THAP4: variants seen among roughly 807,000 people sequenced by gnomAD.
THAP4 encodes peroxynitrite isomerase THAP4.
Under a neutral mutation model 48.1 loss-of-function variants are expected in THAP4, and 18 were observed. The observed-to-expected ratio is 0.37, with a 90% CI of 0.26 to 0.56. The LOEUF is 0.56. Among genes scored for constraint, THAP4 ranks in the 20% least tolerant of loss-of-function variants. THAP4 has a pLI of 0.78. For synonymous variants in THAP4, 345 were observed against 324.9 expected, an observed-to-expected ratio of 1.06 and a Z score of -0.66; for missense variants, 656 against 774.9, an observed-to-expected ratio of 0.85 and a Z score of 1.82.
At chr2:241,587,418 T>TGG (rs1325565611) in intron 5 of THAP4, among the ~76,000 whole-genome samples, 1 of 151,922 alleles carries the variant, frequency 6.6e-6, no homozygotes, top group African/African-American at 2.4e-5. Flanking sequence ...GGACCAAGAG[T>TGG]GACACCACTG....
chr2:241,633,277 G>T lies in THAP4; in HGVS notation c.880C>A (p.Gln294Lys). ...PPSSSLTATP[Q>K]KPSQSPSAPP... ...GCAGAGGGGCTCTGGGAAGGCTTCTGCGGTGTCGCGGTAAGTGATGAGCTG... is the reference window on the plus strand; with the variant it reads ...GCAGAGGGGCTCTGGGAAGGCTTCTTCGGTGTCGCGGTAAGTGATGAGCTG... The change falls in exon 2 of 6, where the codon CAG (glutamine) becomes AAG (lysine). Residue 294 changes from glutamine (Q) to lysine (K), a missense_variant. By Grantham distance (53) the Gln-to-Lys change is moderately conservative. This residue lies in a region of THAP4 where 391 missense variants were observed against 412.4 expected (regional missense o/e 0.95). Coordinates refer to ENST00000407315, the MANE Select transcript of THAP4 (RefSeq NM_015963.6). This position sits in a 1 kb window ranked among gnomAD's most constrained non-coding sequence, Gnocchi z 7.5. 1 of 1,611,740 alleles carries T rather than the reference G, an allele frequency of 6.2e-7. No homozygotes were observed.
rs371073361 is a variant in THAP4 at position 241,637,025 on chromosome 2, C to G, written c.-8G>C. Reference sequence around the variant, plus strand: ...CGCACAGCAGATCACCATCGCGGGCCTTGGCCCAGCCGCGCAGCCAGGCCC... The same window carrying G: ...CGCACAGCAGATCACCATCGCGGGCGTTGGCCCAGCCGCGCAGCCAGGCCC... On this transcript the variant is annotated 5_prime_UTR_variant, in exon 1 of 6. Coordinates refer to ENST00000407315, the MANE Select transcript of THAP4 (RefSeq NM_015963.6). 118 of 1,261,738 alleles carry G rather than the reference C, an allele frequency of 9.4e-5. No homozygotes were observed. The East Asian group carries it at 1.8e-3, about 19-fold the overall frequency. The allele number at this position is 1,261,738 out of a possible 1,614,324, so 78.2% of individuals were successfully genotyped here.
chr2:241,608,736 T>A (rs928019506), intron 2 of THAP4, among the ~76,000 whole-genome samples: 1 of 151,970 alleles, frequency 6.6e-6, no homozygotes, highest in Non-Finnish European at 1.5e-5. Context: ...ACACAAGAAA[T>A]GAGTGAATGA....
At chr2:241,609,317 A>G (rs2067231944) in intron 2 of THAP4, among the ~76,000 whole-genome samples, 1 of 152,240 alleles carries the variant, frequency 6.6e-6, no homozygotes, top group South Asian at 2.1e-4. Flanking sequence ...CCATTAATGG[A>G]GAAAAGGAAG....
chr2:241,617,505 A>T, intron 2 of THAP4: 1 of 1,540,838 alleles, frequency 6.5e-7, no homozygotes. Flanking sequence ...CTGGCTCTTA[A>T]TGGCTCTGCA....
At chr2:241,627,968 T>C (rs1476462806) in intron 2 of THAP4, among the ~76,000 whole-genome samples, 2 of 152,060 alleles carry the variant, frequency 1.3e-5, no homozygotes, top group African/African-American at 4.8e-5. Context: ...CTCTGGCTCC[T>C]GTCTACTTGC....
intron 2 of THAP4, among the ~76,000 whole-genome samples, chr2:241,628,925 CAAAA>C (rs34034619): frequency 0.013 from 818 of 64,334 alleles, 2 homozygotes; most frequent in African/African-American, 0.048. Flanking sequence ...GAGATTGTCT[CAAAA>C]AAAAAAAAAA....
intron 3 of THAP4, among the ~76,000 whole-genome samples, chr2:241,605,955 C>G (rs2067178187): frequency 6.6e-6 from 1 of 152,212 alleles, no homozygotes; most frequent in Non-Finnish European, 1.5e-5. Flanking sequence ...CTCAAGCAAT[C>G]CTCCTGACTC....
intron 2 of THAP4, among the ~76,000 whole-genome samples, chr2:241,620,561 G>A (rs1177820853): frequency 1.4e-5 from 2 of 145,204 alleles, no homozygotes; most frequent in Non-Finnish European, 3.0e-5. Flanking sequence ...TGAGTCAGGA[G>A]TGAGTGAGTC....
At chr2:241,614,818 G>T (rs1245058745) in intron 2 of THAP4, among the ~76,000 whole-genome samples, 1 of 152,160 alleles carries the variant, frequency 6.6e-6, no homozygotes, top group Non-Finnish European at 1.5e-5. Flanking sequence ...GAAACTGGGA[G>T]GCAGAGGTTG....
At chr2:241,605,211 A>G (rs2067164496) in intron 3 of THAP4, among the ~76,000 whole-genome samples, 1 of 152,100 alleles carries the variant, frequency 6.6e-6, no homozygotes, top group Non-Finnish European at 1.5e-5. Flanking sequence ...AAGGTAGGAG[A>G]TATTTTTAAA....
chr2:241,634,754 C>T (rs1210679724), intron 1 of THAP4, among the ~76,000 whole-genome samples: 1 of 152,174 alleles, frequency 6.6e-6, no homozygotes, highest in Non-Finnish European at 1.5e-5. Flanking sequence ...CCCAGAAATT[C>T]GAAGTTACAG....
chr2:241,586,557 G>GA (rs930574531), intron 5 of THAP4, among the ~76,000 whole-genome samples: 14 of 151,988 alleles, frequency 9.2e-5, no homozygotes, highest in Non-Finnish European at 1.5e-4. Context: ...AAGATCAAAA[G>GA]AAAAAACAGG....
Position 241,584,503 on chromosome 2 carries a change from GCTCACGGCCACACCC to G in THAP4, c.*88_*102del. 2 of 1,300,420 alleles carry G rather than the reference GCTCACGGCCACACCC, an allele frequency of 1.5e-6. No homozygotes were observed. The highest frequency in any genetic ancestry group is 2.2e-6 in the Non-Finnish European group (2 of 912,682). The allele number at this position is 1,300,420 out of a possible 1,614,324, so 80.6% of individuals were successfully genotyped here. On this transcript the variant is annotated 3_prime_UTR_variant, in exon 6 of 6. Transcript: ENST00000407315. ...GGACAACACTCTTGAGCCTGCAGAG[GCTCACGGCCACACCC>G]ACTTCTGCCGCAGGGACTGTCTGTT...
chr2:241,633,881 C>T lies in THAP4; in HGVS notation c.276G>A (p.Arg92=), dbSNP rs759486716. Residue 92 remains arginine, a synonymous_variant, in exon 2 of 6, where the codon AGG becomes AGA. Transcript: ENST00000407315. This position sits in a 1 kb window ranked among gnomAD's most constrained non-coding sequence, Gnocchi z 7.5. ...GGGTGCGGCCATGGCCTCCAGCCCC[C>T]CTCTTCTTCTCGGTCAGGTGGAAGA... ...PSIFHLTEKK[R]GAGGHGRTRR... 12 of 1,613,918 alleles carry T rather than the reference C, an allele frequency of 7.4e-6. No individual in the cohort carries two copies. The highest frequency in any genetic ancestry group is 1.7e-5 in the Admixed American group (1 of 59,992).
At chr2:241,623,770 C>T (rs892361648) in intron 2 of THAP4, among the ~76,000 whole-genome samples, 1 of 152,196 alleles carries the variant, frequency 6.6e-6, no homozygotes, top group South Asian at 2.1e-4. Flanking sequence ...CTGAAAGATA[C>T]CTCCACCAAA....
chr2:241,597,609 C>T lies in THAP4; in HGVS notation c.1614+4287G>A, dbSNP rs187337887. Among the ~76,000 whole-genome samples, 213 of 152,344 alleles carry T rather than the reference C, an allele frequency of 1.4e-3. 1 individual carries two copies. Among genetic ancestry groups the T allele is most frequent in the Non-Finnish European group, 2.4e-3 (165 of 68,030 alleles). On this transcript the variant is annotated intron_variant, in intron 5 of 5. Coordinates refer to ENST00000407315, the MANE Select transcript of THAP4 (RefSeq NM_015963.6). ...TAACAGGGACAGCTCCTTTCACCCC[C>T]GCACAAGCCTAGTAGGACTGGCCCT... is the stretch of plus-strand genomic sequence containing the variant.
chr2:241,618,686 A>G (rs1020548091), intron 2 of THAP4, among the ~76,000 whole-genome samples: 2 of 152,216 alleles, frequency 1.3e-5, no homozygotes, highest in African/African-American at 2.4e-5. Flanking sequence ...TACAGTCTAC[A>G]GGGGAAGGAA....
At chr2:241,635,639 G>A (rs1486503200) in intron 1 of THAP4, among the ~76,000 whole-genome samples, 3 of 151,932 alleles carry the variant, frequency 2.0e-5, no homozygotes, top group Admixed American at 1.3e-4. Flanking sequence ...GCGTGGTGGC[G>A]CTTGCCTGTA....
Sources: gnomAD v4.1 joint callset for allele counts (sites outside exome capture counted in the v4.1 genomes callset) on GRCh38, gnomAD v4.1.1 for gene constraint, gnomAD v4.1.1 regional missense constraint, Gnocchi (gnomAD v3.1) non-coding constraint, MANE v1.5 for transcripts, NCBI Gene and HGNC (gene_info 2026-07-23, HGNC 2026-07-21) for gene names.